The following IL1R2 variants were observed in gnomAD, a reference collection of about 807,000 sequenced individuals.
IL1R2 encodes the protein interleukin 1 receptor type 2, also known as interleukin-1 receptor type 2.
IL1R2 carries 46 observed loss-of-function variants against 39.5 expected under a neutral mutation model. The ratio of observed to expected loss-of-function variants is 1.16; its 90% CI spans 0.92 to 1.49. IL1R2 has a LOEUF of 1.49. Ranked by LOEUF, IL1R2 falls within the 40% of genes most tolerant of loss-of-function variation. The pLI is 0.00. For synonymous variants in IL1R2, 207 were observed against 189.6 expected (o/e 1.09, Z -0.75); for missense variants, 537 against 502.0 (o/e 1.07, Z -0.67).
chr2:102,026,901 C>T (rs1192649802), intron 8 of IL1R2, among the ~76,000 whole-genome samples: 1 of 152,206 alleles, frequency 6.6e-6, no homozygotes, highest in Non-Finnish European at 1.5e-5. Flanking sequence ...AAGTGATTCC[C>T]AGCATCTCAG....
chr2:102,027,286 G>A (rs913528512), intron 8 of IL1R2, among the ~76,000 whole-genome samples: 8 of 152,182 alleles, frequency 5.3e-5, no homozygotes, highest in African/African-American at 1.7e-4. Flanking sequence ...TGGGAGAGAT[G>A]GTGGTTGTAC....
At position 102,019,803 on chromosome 2, in the gene IL1R2, C is replaced by G; in HGVS notation, c.679C>G (p.Arg227Gly). ...QYNITRSIEL[R>G]IKKKKEETIP... ...CAACATCACTAGGAGTATTGAGCTACGCATCAAGAGTAAGTACTTGCCATT... is the reference window on the plus strand; with the variant it reads ...CAACATCACTAGGAGTATTGAGCTAGGCATCAAGAGTAAGTACTTGCCATT... The change falls in exon 5 of 9, where the codon CGC becomes GGC. Residue 227 changes from arginine to glycine, a missense_variant. By Grantham distance (125) the Arg-to-Gly change is moderately radical. Coordinates refer to ENST00000332549, the MANE Select transcript of IL1R2 (RefSeq NM_004633.4). 2 of 1,613,512 alleles carry G rather than the reference C, an allele frequency of 1.2e-6. No individual in the cohort carries two copies. Among genetic ancestry groups the G allele is most frequent in the East Asian group, 4.5e-5 (2 of 44,872 alleles).
chr2:102,025,369 A>G (rs1287464341), intron 7 of IL1R2, among the ~76,000 whole-genome samples: 1 of 152,248 alleles, frequency 6.6e-6, no homozygotes, highest in Non-Finnish European at 1.5e-5. Context: ...GATGTAATTT[A>G]GTGGATAAAA....
rs746407232 is a variant in IL1R2, at chr2:102,019,688, G to C, written c.564G>C (p.Gly188=). The stretch of plus-strand genomic sequence containing the variant: ...ATGAGAAATTTCTAAGTGTGAGGGG[G>C]ACCACTCACTTACTCGTACACGATG... ...KDNEKFLSVR[G]TTHLLVHDVA... The change falls in exon 5 of 9, where the codon GGG becomes GGC. Residue 188 remains glycine, a synonymous_variant. Transcript: ENST00000332549. 6.2e-7 allele frequency: 1 copy of C among 1,613,260 alleles called. No homozygotes were observed. The highest frequency in any genetic ancestry group is 2.2e-5 in the East Asian group (1 of 44,882).
At chr2:102,000,493 A>G (rs1675800867) in intron 1 of IL1R2, among the ~76,000 whole-genome samples, 1 of 152,238 alleles carries the variant, frequency 6.6e-6, no homozygotes. Flanking sequence ...TATGACTAAT[A>G]AATGAAGTTA....
At position 102,028,279 on chromosome 2, in the gene IL1R2, T is replaced by G. The variant is rs1467214937; in HGVS notation, c.1084T>G (p.Leu362Val). 6.2e-7 allele frequency: 1 copy of G among 1,612,722 alleles called. No homozygotes were observed. Among genetic ancestry groups the G allele is most frequent in the South Asian group, 1.1e-5 (1 of 90,520 alleles). ...GCTGGCCCCACTTTCACTGGCCTTC[T>G]TGGTTTTGGGGGGAATATGGATGCA... ...IVLAPLSLAF[L>V]VLGGIWMHRR... Residue 362 changes from leucine to valine, a missense_variant, in exon 9 of 9, where the codon TTG (leucine) becomes GTG (valine). Leu to Val is a conservative substitution (Grantham distance 32). Transcript: ENST00000332549.
chr2:102,009,064 A>T (rs1676454436), intron 2 of IL1R2, among the ~76,000 whole-genome samples: 1 of 151,970 alleles, frequency 6.6e-6, no homozygotes, highest in Non-Finnish European at 1.5e-5. Context: ...AAAAAGAAAA[A>T]AGAAAAGAAA....
intron 2 of IL1R2, among the ~76,000 whole-genome samples, chr2:102,009,170 C>T (rs1423536959): frequency 6.6e-5 from 10 of 152,122 alleles, no homozygotes; most frequent in South Asian, 6.2e-4. Context: ...AACCATACGA[C>T]GTGCCAGAAC....
At chr2:102,018,674 C>G (rs557006130) in intron 4 of IL1R2, among the ~76,000 whole-genome samples, 31 of 152,294 alleles carry the variant, frequency 2.0e-4, no homozygotes, top group African/African-American at 6.7e-4. Flanking sequence ...AAATATCCCC[C>G]CTTTTTACAG....
intron 1 of IL1R2, among the ~76,000 whole-genome samples, chr2:101,998,171 C>T (rs1675682321): frequency 6.6e-6 from 1 of 152,146 alleles, no homozygotes; most frequent in South Asian, 2.1e-4. Flanking sequence ...TTAAACTGTT[C>T]TTTGTGATTC....
chr2:102,018,843 G>A (rs1199824783), intron 4 of IL1R2, among the ~76,000 whole-genome samples: 1 of 152,142 alleles, frequency 6.6e-6, no homozygotes, highest in Non-Finnish European at 1.5e-5. Flanking sequence ...TTAGAACAAT[G>A]AAATATCTCC....
chr2:102,006,492 C>G (rs915431312), intron 1 of IL1R2, among the ~76,000 whole-genome samples: 1 of 152,146 alleles, frequency 6.6e-6, no homozygotes, highest in Non-Finnish European at 1.5e-5. Context: ...GGGAGGGTTT[C>G]TGGAGTGCGA....
chr2:102,010,044 A>C (rs1577703694), intron 3 of IL1R2: 2 of 582,728 alleles, frequency 3.4e-6, no homozygotes, highest in African/African-American at 1.9e-5. Context: ...TTTGGAGACA[A>C]CGTCCCTAGC....
chr2:102,009,875 G>C, intron 3 of IL1R2, 49 bp downstream of exon 3: 2 of 1,585,016 alleles, frequency 1.3e-6, no homozygotes, highest in Non-Finnish European at 1.7e-6. Context: ...CAGGATGGAG[G>C]CTTGTGAGGG....
chr2:101,997,249 C>T (rs1393636145), intron 1 of IL1R2, among the ~76,000 whole-genome samples: 1 of 152,212 alleles, frequency 6.6e-6, no homozygotes. Context: ...AGTGCTCCAT[C>T]CGAGGTCACC....
chr2:102,011,796 T>G (rs1676654407), intron 3 of IL1R2, among the ~76,000 whole-genome samples: 1 of 152,256 alleles, frequency 6.6e-6, no homozygotes, highest in African/African-American at 2.4e-5. Context: ...TTGTTGCCTG[T>G]GCTTTTAGTG....
At chr2:102,023,053 G>T (rs1559429006) in intron 6 of IL1R2, among the ~76,000 whole-genome samples, 1 of 152,246 alleles carries the variant, frequency 6.6e-6, no homozygotes, top group Non-Finnish European at 1.5e-5. Context: ...ATTCAGGTCT[G>T]TGTGCCTATA....
At chr2:102,010,051 T>TA (rs1676525652) in intron 3 of IL1R2, 1 of 561,928 alleles carries the variant, frequency 1.8e-6, no homozygotes. Context: ...ACAACGTCCC[T>TA]AGCCATTTTA....
chr2:102,025,071 T>TTCTC (rs1353126123), intron 7 of IL1R2, among the ~76,000 whole-genome samples: 1 of 152,184 alleles, frequency 6.6e-6, no homozygotes, highest in Non-Finnish European at 1.5e-5. Context: ...CCTCTTCTGT[T>TTCTC]TCTCAGGGAG....
Sources: gnomAD v4.1 joint callset for allele counts (sites outside exome capture counted in the v4.1 genomes callset) on GRCh38, gnomAD v4.1.1 for gene constraint, MANE v1.5 for transcripts, NCBI Gene and HGNC (gene_info 2026-07-23, HGNC 2026-07-21) for gene names.